ACER1: variants seen among roughly 807,000 people sequenced by gnomAD.
ACER1 encodes CTB-180A7.3.
ACER1 carries 28 observed loss-of-function variants against 24.9 expected under a neutral mutation model. The ratio of observed to expected loss-of-function variants is 1.13; its 90% CI spans 0.83 to 1.54. The LOEUF is 1.54. Among genes scored for constraint, ACER1 ranks in the 40% most tolerant of loss-of-function variants. The pLI is 0.00. For synonymous variants in ACER1, 132 were observed against 131.4 expected, an observed-to-expected ratio of 1.00 and a Z score of -0.03; for missense variants, 352 against 349.3, an observed-to-expected ratio of 1.01 and a Z score of -0.06.
Position 6,333,447 on chromosome 19 carries a change from C to T in ACER1, c.93+12G>A. 6.3e-7 allele frequency: 1 copy of T among 1,576,712 alleles called. No homozygotes were observed. Among genetic ancestry groups the T allele is most frequent in the Non-Finnish European group, 8.6e-7 (1 of 1,159,674 alleles). The stretch of plus-strand genomic sequence containing the variant: ...CATCTGGCGAGACTCCTTCACACAC[C>T]CACGCACTCACCGTGTTGTAGAACT... On this transcript the variant is annotated intron_variant, in intron 1 of 5. Coordinates refer to ENST00000301452, the MANE Select transcript of ACER1 (RefSeq NM_133492.3).
the ACER1 span, among the ~76,000 whole-genome samples, chr19:6,349,364 G>A: frequency 6.8e-6 from 1 of 146,994 alleles, no homozygotes; most frequent in Non-Finnish European, 1.5e-5. Flanking sequence ...AAAGAGGGAG[G>A]GACAGAAGGA....
the ACER1 span, among the ~76,000 whole-genome samples, chr19:6,355,361 C>T: frequency 6.9e-6 from 1 of 145,886 alleles, no homozygotes; most frequent in African/African-American, 2.7e-5. Flanking sequence ...TGGCCACCAC[C>T]CCATCTAGGA....
At chr19:6,307,444 T>C (rs879325220) in intron 4 of ACER1, among the ~76,000 whole-genome samples, 154 bp from the exon 5 acceptor site, 1 of 151,870 alleles carries the variant, frequency 6.6e-6, no homozygotes, top group Non-Finnish European at 1.5e-5. Flanking sequence ...CCCAATCTCG[T>C]GCTTAGAACT....
At chr19:6,328,612 A>T (rs1232873497) in intron 1 of ACER1, among the ~76,000 whole-genome samples, 1 of 151,846 alleles carries the variant, frequency 6.6e-6, no homozygotes, top group Non-Finnish European at 1.5e-5. Context: ...TTGGGAAGTG[A>T]AGGCACAAGG....
At chr19:6,346,032 C>T in the ACER1 span, among the ~76,000 whole-genome samples, 833 of 152,206 alleles carry the variant, frequency 5.5e-3, 1 homozygote, top group Middle Eastern at 0.017. Flanking sequence ...CTGACCATCA[C>T]ATCATCTTCC....
chr19:6,337,806 G>A (rs1332596396), upstream of ACER1, among the ~76,000 whole-genome samples: 1 of 150,070 alleles, frequency 6.7e-6, no homozygotes, highest in Non-Finnish European at 1.5e-5. Flanking sequence ...CTCCCGAGTA[G>A]CTGGGACTGC....
intron 1 of ACER1, among the ~76,000 whole-genome samples, chr19:6,323,648 T>G (rs1253724223): frequency 6.6e-6 from 1 of 152,220 alleles, no homozygotes; most frequent in Non-Finnish European, 1.5e-5. Flanking sequence ...AAGGTAAGTC[T>G]TTATTAGCAG....
chr19:6,347,961 G>C, the ACER1 span, among the ~76,000 whole-genome samples: 2 of 151,180 alleles, frequency 1.3e-5, no homozygotes, highest in Admixed American at 6.6e-5. Context: ...AGGCCAAGGT[G>C]GGGGGCGGAT....
chr19:6,328,132 A>G (rs1314974505), intron 1 of ACER1, among the ~76,000 whole-genome samples: 11 of 151,006 alleles, frequency 7.3e-5, no homozygotes, highest in Non-Finnish European at 1.5e-4. Context: ...TCTATTATCT[A>G]TGGCTGGTTT....
intron 1 of ACER1, among the ~76,000 whole-genome samples, chr19:6,328,746 A>G (rs112465619): frequency 0.14 from 20,974 of 151,128 alleles, 2,724 homozygotes; most frequent in African/African-American, 0.35. Flanking sequence ...CACTCACTGC[A>G]ACCTCCACCT....
intron 1 of ACER1, among the ~76,000 whole-genome samples, chr19:6,318,641 C>G (rs1303953223): frequency 7.1e-6 from 1 of 140,042 alleles, no homozygotes; most frequent in Admixed American, 7.3e-5. Context: ...AAAAAAATAG[C>G]TGGGTGTGGT....
chr19:6,337,017 A>T (rs1315057745), upstream of ACER1, among the ~76,000 whole-genome samples: 1 of 151,758 alleles, frequency 6.6e-6, no homozygotes, highest in Non-Finnish European at 1.5e-5. Context: ...CTCTACTAAA[A>T]ATACAAAAAT....
chr19:6,331,288 T>C (rs2091685593), intron 1 of ACER1, among the ~76,000 whole-genome samples: 1 of 148,228 alleles, frequency 6.7e-6, no homozygotes. Flanking sequence ...TAGCTGGGAC[T>C]ACAGGCGCCC....
the ACER1 span, among the ~76,000 whole-genome samples, chr19:6,347,109 A>AAAATATAT: frequency 6.1e-3 from 697 of 113,698 alleles, 25 homozygotes; most frequent in African/African-American, 0.032. Flanking sequence ...AAAAAAAAAA[A>AAAATATAT]ATATATATAT....
chr19:6,335,015 AATAAT>A (rs1192573861), upstream of ACER1, among the ~76,000 whole-genome samples: 2 of 145,182 alleles, frequency 1.4e-5, no homozygotes, highest in Non-Finnish European at 3.0e-5. Flanking sequence ...GCATAACAAT[AATAAT>A]ATAATTATTT....
intron 1 of ACER1, among the ~76,000 whole-genome samples, chr19:6,318,570 G>A (rs1197280326): frequency 1.4e-5 from 2 of 145,998 alleles, no homozygotes; most frequent in Non-Finnish European, 3.0e-5. Flanking sequence ...GAGGTCACGA[G>A]ATCGAGACCA....
chr19:6,306,880 T>C lies in ACER1; in HGVS notation c.629A>G (p.His210Arg), dbSNP rs1384615250. 1.2e-6 allele frequency: 2 copies of C among 1,612,346 alleles called. No individual in the cohort carries two copies. Among genetic ancestry groups the C allele is most frequent in the Non-Finnish European group, 1.7e-6 (2 of 1,178,832 alleles). Residue 210 changes from histidine (H) to arginine (R), a missense_variant and splice_region_variant, in exon 6 of 6, where the codon CAT (histidine) becomes CGT (arginine). His to Arg is a conservative substitution (Grantham distance 29, BLOSUM62 0). Transcript: ENST00000301452. Reference sequence around the variant, plus strand: ...AGGGAAGGTGATGCTGATGAGCACATGCCTGTGGAGTGCAGGGCGAAGGTG... The same window carrying C: ...AGGGAAGGTGATGCTGATGAGCACACGCCTGTGGAGTGCAGGGCGAAGGTG... The part of the protein sequence containing the change: ...IHFFYLHSIW[H>R]VLISITFPYG...
chr19:6,355,732 C>T, the ACER1 span, among the ~76,000 whole-genome samples: 4 of 146,066 alleles, frequency 2.7e-5, no homozygotes, highest in African/African-American at 7.9e-5. Flanking sequence ...GCCAGCCGCC[C>T]CGTCCAGGAG....
chr19:6,354,970 G>C, the ACER1 span, among the ~76,000 whole-genome samples: 514 of 152,252 alleles, frequency 3.4e-3, 4 homozygotes, highest in African/African-American at 0.012. Flanking sequence ...TTGCAGGCGC[G>C]CGCCACCACG....
Sources: gnomAD v4.1 joint callset for allele counts (sites outside exome capture counted in the v4.1 genomes callset) on GRCh38, gnomAD v4.1.1 for gene constraint, MANE v1.5 for transcripts, NCBI Gene and HGNC (gene_info 2026-07-23, HGNC 2026-07-21) for gene names.